Variants in TPRG1 observed in about 807,000 individuals in gnomAD.
The protein encoded by TPRG1 is tumor protein p63 regulated 1.
In TPRG1, 29 loss-of-function variants were observed where a neutral mutation model predicts 29.3. The observed-to-expected ratio is 0.99, with a 90% CI of 0.74 to 1.35. TPRG1 has a LOEUF of 1.35. Ranked by LOEUF, TPRG1 falls within the 40% of genes most tolerant of loss-of-function variation. TPRG1 has a pLI of 0.00. For missense variants in TPRG1, 327 were observed against 335.0 expected (o/e 0.98, Z 0.19); for synonymous variants, 130 against 116.8 (o/e 1.11, Z -0.73).
chr3:189,100,575 T>C (rs1018508673), intron 1 of TPRG1, among the ~76,000 whole-genome samples: 1 of 152,222 alleles, frequency 6.6e-6, no homozygotes, highest in African/African-American at 2.4e-5. Flanking sequence ...CATTGCAAAA[T>C]GTATTACTTT....
upstream of TPRG1, among the ~76,000 whole-genome samples, chr3:189,169,336 T>G (rs1378511021): frequency 1.3e-5 from 2 of 152,126 alleles, no homozygotes; most frequent in Non-Finnish European, 2.9e-5. Flanking sequence ...GGCTAATTTT[T>G]GTATTTTTAG....
intron 1 of TPRG1, among the ~76,000 whole-genome samples, chr3:189,103,158 A>C (rs1202892449): frequency 6.6e-6 from 1 of 151,510 alleles, no homozygotes; most frequent in Admixed American, 6.6e-5. Context: ...CCAGTGACCA[A>C]AGTCATCCTG....
At chr3:189,164,313 C>T (rs1047594547) in intron 5 of TPRG1, among the ~76,000 whole-genome samples, 1 of 152,074 alleles carries the variant, frequency 6.6e-6, no homozygotes, top group African/African-American at 2.4e-5. Flanking sequence ...CAGGTGCCCA[C>T]CATCATGCCT....
intron 4 of TPRG1, among the ~76,000 whole-genome samples, chr3:189,028,872 A>G (rs1255579039): frequency 6.6e-6 from 1 of 152,142 alleles, no homozygotes; most frequent in Non-Finnish European, 1.5e-5. Flanking sequence ...GAGGCTGACA[A>G]ATGTATGACT....
chr3:189,175,791 T>C (rs1408653060), intron 1 of TPRG1, among the ~76,000 whole-genome samples: 2 of 152,338 alleles, frequency 1.3e-5, no homozygotes, highest in Middle Eastern at 3.4e-3. Context: ...TTTAAAAATA[T>C]GGAAAAGGTT....
intron 5 of TPRG1, among the ~76,000 whole-genome samples, chr3:189,314,795 A>G (rs1723223288): frequency 6.6e-6 from 1 of 152,158 alleles, no homozygotes; most frequent in African/African-American, 2.4e-5. Flanking sequence ...CCCCTGTAAG[A>G]TAAGGATAGG....
At chr3:189,142,204 T>G (rs1327717597) in intron 3 of TPRG1, among the ~76,000 whole-genome samples, 1 of 152,134 alleles carries the variant, frequency 6.6e-6, no homozygotes, top group Non-Finnish European at 1.5e-5. Flanking sequence ...CCTTCCATCT[T>G]CGTGGTGATG....
At chr3:189,034,731 A>G (rs925568473) in intron 4 of TPRG1, among the ~76,000 whole-genome samples, 2 of 152,122 alleles carry the variant, frequency 1.3e-5, no homozygotes, top group Non-Finnish European at 1.5e-5. Context: ...CCACTGAAGA[A>G]GCTAAGGTGA....
chr3:189,079,752 A>G (rs989356336), intron 4 of TPRG1, among the ~76,000 whole-genome samples: 4 of 152,296 alleles, frequency 2.6e-5, no homozygotes, highest in Non-Finnish European at 5.9e-5. Flanking sequence ...TTCAATCTTT[A>G]TTGGCTTTCT....
At chr3:189,129,116 A>G (rs959154219) in intron 2 of TPRG1, among the ~76,000 whole-genome samples, 2 of 152,188 alleles carry the variant, frequency 1.3e-5, no homozygotes, top group African/African-American at 4.8e-5. Flanking sequence ...CTTTATACAT[A>G]TTTCATCAAT....
At chr3:189,187,954 CAA>C (rs1275467090) in intron 1 of TPRG1, among the ~76,000 whole-genome samples, 1 of 152,092 alleles carries the variant, frequency 6.6e-6, no homozygotes, top group East Asian at 1.9e-4. Context: ...GTATGTAAAT[CAA>C]AAGTAAAGAC....
At position 189,019,912 on chromosome 3, in the gene TPRG1, C is replaced by T. The variant is rs572095060; in HGVS notation, c.-659-3838C>T. Among the ~76,000 whole-genome samples, 211 of 151,240 alleles carry T rather than the reference C, an allele frequency of 1.4e-3. 1 individual carries two copies. The highest frequency in any genetic ancestry group is 3.4e-3 in the Middle Eastern group (1 of 290). On this transcript the variant is annotated intron_variant, in intron 3 of 10. Coordinates refer to the TPRG1 transcript ENST00000433971. ...TTGATTATTGCCACAATTTCAGATC[C>T]TGTTATTGGTCTATTCAGAGATTCA...
chr3:189,011,228 A>T (rs1044291294), intron 3 of TPRG1, among the ~76,000 whole-genome samples: 2 of 152,074 alleles, frequency 1.3e-5, no homozygotes, highest in South Asian at 4.1e-4. Flanking sequence ...TTTGCTTATG[A>T]TTGCCTTGTC....
intron 1 of TPRG1, among the ~76,000 whole-genome samples, chr3:189,181,610 G>T (rs1254674446): frequency 6.6e-6 from 1 of 152,130 alleles, no homozygotes; most frequent in East Asian, 1.9e-4. Flanking sequence ...TCTTAGCCTG[G>T]ACCTTATTGT....
chr3:189,155,160 G>A (rs953859095), intron 5 of TPRG1, among the ~76,000 whole-genome samples: 6 of 152,138 alleles, frequency 3.9e-5, no homozygotes, highest in African/African-American at 1.4e-4. Flanking sequence ...GAGGTGGCTG[G>A]GCCTGGATCA....
chr3:189,249,962 A>C (rs1337425741), intron 4 of TPRG1, among the ~76,000 whole-genome samples: 1 of 152,148 alleles, frequency 6.6e-6, no homozygotes, highest in African/African-American at 2.4e-5. Flanking sequence ...ATCTCCTTCT[A>C]AAAGATGAAA....
intron 4 of TPRG1, among the ~76,000 whole-genome samples, chr3:189,273,961 G>A (rs1180902503): frequency 6.6e-6 from 1 of 152,180 alleles, no homozygotes; most frequent in Non-Finnish European, 1.5e-5. Context: ...GACTAAGGGA[G>A]TGTCTGCCCA....
chr3:189,247,472 T>C (rs1277987586), intron 4 of TPRG1, among the ~76,000 whole-genome samples: 5 of 151,878 alleles, frequency 3.3e-5, no homozygotes. Context: ...TGACTGTCCC[T>C]TTTCTTGAGA....
At chr3:189,032,099 C>T (rs1375240957) in intron 4 of TPRG1, among the ~76,000 whole-genome samples, 1 of 151,954 alleles carries the variant, frequency 6.6e-6, no homozygotes, top group African/African-American at 2.4e-5. Context: ...GAGGCTTTGC[C>T]GATGTGATTG....
Sources: gnomAD v4.1 joint callset for allele counts (sites outside exome capture counted in the v4.1 genomes callset) on GRCh38, gnomAD v4.1.1 for gene constraint, MANE v1.5 for transcripts, NCBI Gene and HGNC (gene_info 2026-07-23, HGNC 2026-07-21) for gene names.